The following SEMA3E variants were observed in gnomAD, a reference collection of about 807,000 sequenced individuals.
SEMA3E encodes the protein semaphorin 3E, also known as semaphorin-3E.
Under a neutral mutation model 93.6 loss-of-function variants are expected in SEMA3E, and 49 were observed. The observed-to-expected ratio is 0.52, with a 90% CI of 0.42 to 0.66. SEMA3E has a LOEUF of 0.66. SEMA3E is among the 30% of genes least tolerant of loss of function. SEMA3E has a pLI of 0.00. For missense variants in SEMA3E, 906 were observed against 964.8 expected (o/e 0.94, Z 0.81); for synonymous variants, 363 against 330.7 (o/e 1.10, Z -1.06).
At chr7:83,631,178 A>G (rs1247895187) in intron 1 of SEMA3E, among the ~76,000 whole-genome samples, 1 of 152,150 alleles carries the variant, frequency 6.6e-6, no homozygotes, top group African/African-American at 2.4e-5. Context: ...AGCCATGAAG[A>G]AAGACGGTTT....
intron 2 of SEMA3E, among the ~76,000 whole-genome samples, chr7:83,474,771 G>A (rs1789974595): frequency 6.6e-6 from 1 of 152,140 alleles, no homozygotes; most frequent in African/African-American, 2.4e-5. Flanking sequence ...TCGAATCCTA[G>A]AAGTGAAGCT....
chr7:83,539,660 T>A (rs1000000382), intron 1 of SEMA3E, among the ~76,000 whole-genome samples: 1 of 152,156 alleles, frequency 6.6e-6, no homozygotes, highest in African/African-American at 2.4e-5. Context: ...TTTTTCCTAA[T>A]GTCATCACTG....
chr7:83,465,590 A>G (rs1388897054), intron 4 of SEMA3E, among the ~76,000 whole-genome samples: 1 of 152,210 alleles, frequency 6.6e-6, no homozygotes, highest in East Asian at 1.9e-4. Context: ...TTAATATTTT[A>G]TGGCCACTGC....
At chr7:83,555,144 T>G (rs2115816052) in intron 1 of SEMA3E, among the ~76,000 whole-genome samples, 1 of 152,268 alleles carries the variant, frequency 6.6e-6, no homozygotes, top group South Asian at 2.1e-4. Flanking sequence ...TACTATTATT[T>G]ATTGTAGACC....
chr7:83,553,162 C>T (rs1299268724), intron 1 of SEMA3E, among the ~76,000 whole-genome samples: 1 of 152,148 alleles, frequency 6.6e-6, no homozygotes. Flanking sequence ...CGGTAAAATT[C>T]CTCTCTTTAT....
At chr7:83,452,552 T>G (rs1789387803) in intron 4 of SEMA3E, among the ~76,000 whole-genome samples, 2 of 152,178 alleles carry the variant, frequency 1.3e-5, no homozygotes, top group African/African-American at 2.4e-5. Context: ...GGTTTCTTAC[T>G]AACTGCCTCA....
intron 1 of SEMA3E, among the ~76,000 whole-genome samples, chr7:83,598,978 T>A (rs193254211): frequency 6.6e-6 from 1 of 152,324 alleles, no homozygotes; most frequent in Non-Finnish European, 1.5e-5. Flanking sequence ...ATAAACACAG[T>A]CACTGGGAAA....
At chr7:83,589,902 C>T (rs1209463262) in intron 1 of SEMA3E, among the ~76,000 whole-genome samples, 1 of 152,052 alleles carries the variant, frequency 6.6e-6, no homozygotes, top group Non-Finnish European at 1.5e-5. Flanking sequence ...AACCTTAATG[C>T]TTTTATTAAG....
intron 3 of SEMA3E, 115 bp from the exon 4 acceptor site, chr7:83,466,716 G>T: frequency 7.9e-7 from 1 of 1,273,408 alleles, no homozygotes; most frequent in Admixed American, 1.9e-5. Flanking sequence ...AATCTCTGTT[G>T]GGTGAAGGAG....
intron 1 of SEMA3E, among the ~76,000 whole-genome samples, chr7:83,550,532 C>T (rs565347008): frequency 6.6e-6 from 1 of 151,970 alleles, no homozygotes; most frequent in Non-Finnish European, 1.5e-5. Flanking sequence ...AAAAGGTAAA[C>T]AAAATAATAC....
intron 9 of SEMA3E, among the ~76,000 whole-genome samples, chr7:83,404,850 T>C (rs778035232): frequency 6.6e-6 from 1 of 151,972 alleles, no homozygotes; most frequent in Admixed American, 6.6e-5. Flanking sequence ...TTGGTAAGTA[T>C]TGGAGAACTG....
chr7:83,548,597 G>T (rs1791698704), intron 1 of SEMA3E, among the ~76,000 whole-genome samples: 1 of 151,818 alleles, frequency 6.6e-6, no homozygotes, highest in Admixed American at 6.6e-5. Flanking sequence ...TTTGGTCTTT[G>T]GTCCACCTGG....
chr7:83,505,923 G>C (rs919368632), intron 1 of SEMA3E, among the ~76,000 whole-genome samples: 4 of 150,102 alleles, frequency 2.7e-5, no homozygotes, highest in Non-Finnish European at 5.9e-5. Context: ...GCTGAGGCAG[G>C]AGAATGGCGT....
chr7:83,438,979 G>A (rs1368737636), intron 4 of SEMA3E, among the ~76,000 whole-genome samples: 1 of 152,140 alleles, frequency 6.6e-6, no homozygotes, highest in Non-Finnish European at 1.5e-5. Flanking sequence ...TGACTGCTCT[G>A]CTGTTATTCT....
In SEMA3E at chr7:83,576,371, A is replaced by G. The variant is rs887739110; in HGVS notation, c.115+72057T>C. On this transcript the variant is annotated intron_variant, in intron 1 of 16. Transcript: ENST00000643230. ...AGTTACAATGAAGGATACGGAATGTAGGCTTTAAAGTGGGCAGCAATAAGC... is the reference window on the plus strand; with the variant it reads ...AGTTACAATGAAGGATACGGAATGTGGGCTTTAAAGTGGGCAGCAATAAGC... Among the ~76,000 whole-genome samples the G allele has an allele frequency of 4.8e-4, 73 of 152,178 alleles. 1 individual carries two copies. The highest frequency in any genetic ancestry group is 1.7e-3 in the African/African-American group (71 of 41,460).
intron 1 of SEMA3E, among the ~76,000 whole-genome samples, chr7:83,586,491 C>T (rs566274540): frequency 6.6e-6 from 1 of 151,884 alleles, no homozygotes; most frequent in African/African-American, 2.4e-5. Flanking sequence ...CATCAGATCT[C>T]AGATGGGTCT....
chr7:83,387,024 T>G lies in SEMA3E; in HGVS notation c.1694A>C (p.His565Pro). 1 of 1,613,368 alleles carries G rather than the reference T, an allele frequency of 6.2e-7. No homozygotes were observed. Among genetic ancestry groups the G allele is most frequent in the Non-Finnish European group, 8.5e-7 (1 of 1,179,640 alleles). Residue 565 changes from histidine to proline, a missense_variant, in exon 15 of 17, where the codon CAT becomes CCT. Coordinates refer to ENST00000643230, the MANE Select transcript of SEMA3E (RefSeq NM_012431.3). The part of the protein sequence containing the change: ...KRRFRRQDVR[H>P]GNAAQQCFGQ... ...AAAGCACTGCTGAGCTGCATTTCCA[T>G]GTCGAACATCTTGTCTCCGGAAACG...
intron 5 of SEMA3E, among the ~76,000 whole-genome samples, chr7:83,415,295 C>A (rs922340147): frequency 6.6e-6 from 1 of 152,084 alleles, no homozygotes; most frequent in Non-Finnish European, 1.5e-5. Flanking sequence ...TAGGAGTAAT[C>A]ACACTGGAGG....
At chr7:83,449,399 C>T in intron 4 of SEMA3E, among the ~76,000 whole-genome samples, 1 of 151,838 alleles carries the variant, frequency 6.6e-6, no homozygotes, top group African/African-American at 2.4e-5. Flanking sequence ...CTCAACTGGC[C>T]TAATTTTTAT....
Sources: gnomAD v4.1 joint callset for allele counts (sites outside exome capture counted in the v4.1 genomes callset) on GRCh38, gnomAD v4.1.1 for gene constraint, MANE v1.5 for transcripts, NCBI Gene and HGNC (gene_info 2026-07-23, HGNC 2026-07-21) for gene names.